Variants in ZNF148 observed in about 807,000 individuals in gnomAD.
ZNF148 encodes Beta-Enolase Repressor Factor-1.
Under a neutral mutation model 67.7 loss-of-function variants are expected in ZNF148, and 7 were observed. The ratio of observed to expected loss-of-function variants is 0.10; its 90% CI spans 0.06 to 0.19. The LOEUF (loss-of-function observed/expected upper bound fraction) is 0.19, where lower values mean the gene tolerates loss of function less well. Ranked by LOEUF, ZNF148 falls within the 10% of genes least tolerant of loss-of-function variation. ZNF148 has a pLI of 1.00. For synonymous variants in ZNF148, 333 were observed against 330.7 expected (o/e 1.01, Z -0.08); for missense variants, 583 against 947.1 (o/e 0.62, Z 5.05).
chr3:125,308,147 A>G (rs935781762), intron 4 of ZNF148, among the ~76,000 whole-genome samples: 5 of 152,214 alleles, frequency 3.3e-5, no homozygotes, highest in African/African-American at 1.2e-4. Flanking sequence ...TAGTGAAGAA[A>G]CCTAAGGAAT....
intron 1 of ZNF148, among the ~76,000 whole-genome samples, chr3:125,340,260 T>C (rs1472754631): frequency 1.3e-5 from 2 of 152,182 alleles, no homozygotes; most frequent in East Asian, 1.9e-4. Context: ...CTCTCTGATG[T>C]TGTCCTGAAA....
intron 4 of ZNF148, among the ~76,000 whole-genome samples, chr3:125,289,557 G>A (rs1938894654): frequency 6.6e-6 from 1 of 152,122 alleles, no homozygotes; most frequent in South Asian, 2.1e-4. Context: ...CAAGACTTGG[G>A]AATACAGACC....
At chr3:125,331,430 C>T (rs560598538) in intron 1 of ZNF148, among the ~76,000 whole-genome samples, 192 bp from the exon 2 acceptor site, 4 of 152,278 alleles carry the variant, frequency 2.6e-5, no homozygotes, top group African/African-American at 7.2e-5. Flanking sequence ...CCATCAAATG[C>T]TAAATGATAT....
chr3:125,256,967 GTTTTTTTTTT>G (rs10576530), intron 7 of ZNF148, among the ~76,000 whole-genome samples: 29 of 108,120 alleles, frequency 2.7e-4, no homozygotes, highest in South Asian at 2.2e-3. Context: ...AGAACTTCCA[GTTTTTTTTTT>G]TTTTTTTTTT....
chr3:125,279,278 A>T lies in ZNF148; in HGVS notation c.460-31T>A, dbSNP rs755790848. 2.7e-6 allele frequency: 4 copies of T among 1,487,790 alleles called. No individual in the cohort carries two copies. The Admixed American group carries it at 8.9e-5, about 33-fold the overall frequency. The allele number at this position is 1,487,790 out of a possible 1,614,324, so 92.2% of individuals were successfully genotyped here. On this transcript the variant is annotated intron_variant, in intron 5 of 8. Transcript: ENST00000360647. The stretch of plus-strand genomic sequence containing the variant: ...TCAAAAAAAAAAAGGCAAAAACAAA[A>T]GAAATAAGTTTTTAAAATGTAATTA...
rs923225130 is a variant in ZNF148, at chr3:125,273,141, G to C, written c.667+4585C>G. ...TGAACCATACTAAGGGAAATATAAA[G>C]GGTTAAGCTAAGTTAGTCAAGAGTA... On this transcript the variant is annotated intron_variant, in intron 7 of 8. Transcript: ENST00000360647. Among the ~76,000 whole-genome samples the C allele has an allele frequency of 1.7e-4, 26 of 152,258 alleles. No individual in the cohort carries two copies. In the East Asian group the frequency reaches 4.8e-3, roughly 28 times the overall value.
Position 125,232,846 on chromosome 3 carries a change from C to T in ZNF148, c.1880G>A (p.Ser627Asn), listed in dbSNP as rs1935916886. The T allele has an allele frequency of 6.2e-7, 1 of 1,613,688 alleles. No homozygotes were observed. The highest frequency in any genetic ancestry group is 1.1e-5 in the South Asian group (1 of 91,074). Residue 627 changes from serine to asparagine, a missense_variant, in exon 9 of 9, where the codon AGC (serine) becomes AAC (asparagine). This residue lies in a region of ZNF148 where 158 missense variants were observed against 208.4 expected (regional missense o/e 0.76). Transcript: ENST00000360647. This position sits in a 1 kb window ranked among gnomAD's most constrained non-coding sequence, Gnocchi z 4.2. ...CTGGTTATCAGTCACAAAGTTAAGGCTCGGGCTATTCAAATAGGCATCATT... is the reference window on the plus strand; with the variant it reads ...CTGGTTATCAGTCACAAAGTTAAGGTTCGGGCTATTCAAATAGGCATCATT... ...SQNDAYLNSP[S>N]LNFVTDNQTL...
chr3:125,282,296 T>C (rs1311972860), intron 5 of ZNF148, among the ~76,000 whole-genome samples: 1 of 152,176 alleles, frequency 6.6e-6, no homozygotes, highest in Non-Finnish European at 1.5e-5. Flanking sequence ...CTGAGTGTGT[T>C]TGCCTTAGAG....
At chr3:125,238,038 A>G (rs1007065230) in intron 7 of ZNF148, among the ~76,000 whole-genome samples, 2 of 152,202 alleles carry the variant, frequency 1.3e-5, no homozygotes, top group African/African-American at 4.8e-5. Flanking sequence ...GGGAAAGAAT[A>G]GTCTTTTCAA....
At position 125,232,292 on chromosome 3, in the gene ZNF148, G is replaced by T; in HGVS notation, c.*49C>A. 1.3e-6 allele frequency: 2 copies of T among 1,536,804 alleles called. No homozygotes were observed. The highest frequency in any genetic ancestry group is 2.5e-5 in the South Asian group (2 of 79,528). On this transcript the variant is annotated 3_prime_UTR_variant, in exon 9 of 9. Transcript: ENST00000360647. This position sits in a 1 kb window ranked among gnomAD's most constrained non-coding sequence, Gnocchi z 4.2. ...ATTTACACAGAGTAACCCCACTCTT[G>T]ATTAATCTGTTCTAAAGTGCCAGTA...
intron 7 of ZNF148, among the ~76,000 whole-genome samples, chr3:125,243,606 G>C (rs1251537049): frequency 2.0e-5 from 3 of 151,982 alleles, no homozygotes; most frequent in Admixed American, 1.3e-4. Flanking sequence ...CTGCAGCCGT[G>C]AACTCCTGGG....
intron 7 of ZNF148, among the ~76,000 whole-genome samples, chr3:125,259,499 C>T (rs1937240051): frequency 6.6e-6 from 1 of 152,152 alleles, no homozygotes; most frequent in Non-Finnish European, 1.5e-5. Context: ...GGTTCAGTTC[C>T]AGACAACCAC....
At chr3:125,353,075 C>G (rs866519206) in intron 1 of ZNF148, among the ~76,000 whole-genome samples, 1 of 152,270 alleles carries the variant, frequency 6.6e-6, no homozygotes, top group South Asian at 2.1e-4. Context: ...GAAAGGAAAA[C>G]TTTTGTTTAC....
At position 125,233,767 on chromosome 3, in the gene ZNF148, G is replaced by A. The variant is rs199684123; in HGVS notation, c.959C>T (p.Thr320Met). Residue 320 changes from threonine (T) to methionine (M), a missense_variant, in exon 9 of 9, where the codon ACG (threonine) becomes ATG (methionine). Transcript: ENST00000360647. The surrounding 1 kb of genome is among the most constrained non-coding windows in gnomAD (Gnocchi z 5.1). ...GTCCATTCCAGATGATTTTTTCTCCGTTTTCTGCCTTTTCTTTTTTGGCAG... is the reference window on the plus strand; with the variant it reads ...GTCCATTCCAGATGATTTTTTCTCCATTTTCTGCCTTTTCTTTTTTGGCAG... ...NSLPKKKRQK[T>M]EKKSSGMDKE... 1,021 of 1,613,458 alleles carry A rather than the reference G, an allele frequency of 6.3e-4. 3 individuals are homozygous for A. The highest frequency in any genetic ancestry group is 8.3e-4 in the Admixed American group (50 of 59,904).
intron 7 of ZNF148, among the ~76,000 whole-genome samples, chr3:125,242,379 T>G (rs12695449): frequency 0.77 from 117,380 of 152,178 alleles, 45,814 homozygotes; most frequent in African/African-American, 0.85. Flanking sequence ...CCAGCACTCT[T>G]GGAGGCCGAG....
intron 4 of ZNF148, chr3:125,311,408 T>C (rs1940204810): frequency 6.6e-6 from 1 of 151,876 alleles, no homozygotes; most frequent in African/African-American, 2.4e-5. Flanking sequence ...CTTAAAAGAG[T>C]TTTTGCTTAA....
intron 5 of ZNF148, among the ~76,000 whole-genome samples, chr3:125,284,486 G>A (rs895498264): frequency 6.6e-6 from 1 of 152,152 alleles, no homozygotes; most frequent in Non-Finnish European, 1.5e-5. Flanking sequence ...AACACTTAAA[G>A]TCTAGCAGTG....
At chr3:125,352,724 A>T (rs1386498026) in intron 1 of ZNF148, among the ~76,000 whole-genome samples, 1 of 151,946 alleles carries the variant, frequency 6.6e-6, no homozygotes, top group Non-Finnish European at 1.5e-5. Context: ...TTCCTATCAA[A>T]CTCCCAGCAA....
At chr3:125,317,163 T>C (rs1940538114) in intron 3 of ZNF148, among the ~76,000 whole-genome samples, 1 of 152,210 alleles carries the variant, frequency 6.6e-6, no homozygotes, top group South Asian at 2.1e-4. Context: ...AATTAAGGCA[T>C]ATATTTGGAG....
Sources: gnomAD v4.1 joint callset for allele counts (sites outside exome capture counted in the v4.1 genomes callset) on GRCh38, gnomAD v4.1.1 for gene constraint, gnomAD v4.1.1 regional missense constraint, Gnocchi (gnomAD v3.1) non-coding constraint, MANE v1.5 for transcripts, NCBI Gene and HGNC (gene_info 2026-07-23, HGNC 2026-07-21) for gene names.